Variants in DIS3 observed in about 807,000 individuals in gnomAD.
The protein encoded by DIS3 is DIS3 exosome endoribonuclease and 3'-5' exoribonuclease, also known as exosome complex exonuclease RRP44.
A neutral mutation model predicts 113.0 loss-of-function variants in DIS3; 103 were observed. The ratio of observed to expected loss-of-function variants is 0.91; its 90% CI spans 0.78 to 1.07. DIS3 has a LOEUF of 1.07. DIS3 is among the 50% of genes least tolerant of loss of function. The pLI is 0.00. For synonymous variants in DIS3, 402 were observed against 394.3 expected (o/e 1.02, Z -0.23); for missense variants, 1,121 against 1,167.1 (o/e 0.96, Z 0.58).
At chr13:72,779,029 G>C (rs941185869) in intron 2 of DIS3, among the ~76,000 whole-genome samples, 1 of 151,854 alleles carries the variant, frequency 6.6e-6, no homozygotes, top group East Asian at 1.9e-4. Context: ...ATAGCTTCCA[G>C]TACTTAATGG....
intron 20 of DIS3, among the ~76,000 whole-genome samples, 192 bp downstream of exon 20, chr13:72,760,337 G>C (rs1475349316): frequency 6.6e-6 from 1 of 152,184 alleles, no homozygotes; most frequent in Non-Finnish European, 1.5e-5. Context: ...GACCTGAACA[G>C]AATCTCAGAT....
intron 16 of DIS3, among the ~76,000 whole-genome samples, chr13:72,762,422 A>G (rs2033649007): frequency 6.6e-6 from 1 of 152,210 alleles, no homozygotes; most frequent in Non-Finnish European, 1.5e-5. Context: ...ACAATGAAGG[A>G]AAAAATCCCT....
At chr13:72,777,584 C>G in intron 3 of DIS3, 91 bp from the exon 4 acceptor site, 1 of 1,044,612 alleles carries the variant, frequency 9.6e-7, no homozygotes, top group Non-Finnish European at 1.5e-6. Flanking sequence ...GTATACACGT[C>G]ATTCTTTCAT....
chr13:72,774,698 A>G (rs1400953705), intron 6 of DIS3, among the ~76,000 whole-genome samples: 1 of 152,180 alleles, frequency 6.6e-6, no homozygotes. Flanking sequence ...TTGTAATTAT[A>G]AAATACAGAA....
At chr13:72,781,433 C>G in intron 1 of DIS3, 172 bp downstream of exon 1, 2 of 1,504,196 alleles carry the variant, frequency 1.3e-6, no homozygotes, top group Non-Finnish European at 8.9e-7. Context: ...TTTTTTAAAG[C>G]ACAAGGAAAA....
rs779209129 is a variant in DIS3 at position 72,771,114 on chromosome 13, G to A, written c.1637C>T (p.Ser546Phe). 3 of 1,613,706 alleles carry A rather than the reference G, an allele frequency of 1.9e-6. No individual in the cohort carries two copies. The highest frequency in any genetic ancestry group is 1.1e-5 in the South Asian group (1 of 91,046). ...RIDMVPELLS[S>F]NLCSLKCDVD... Reference sequence around the variant, plus strand: ...GTCACATTTTAAGGAACACAAGTTAGAGCTAAGCAACTCTGGAACCATGTC... The same window carrying A: ...GTCACATTTTAAGGAACACAAGTTAAAGCTAAGCAACTCTGGAACCATGTC... Residue 546 changes from serine to phenylalanine, a missense_variant, in exon 12 of 21, where the codon TCT (serine) becomes TTT (phenylalanine). By Grantham distance (155) the Ser-to-Phe change is radical. Transcript: ENST00000377767.
Position 72,755,686 on chromosome 13 carries a change from A to G in DIS3, c.*4109T>C, listed in dbSNP as rs1159813505. 1 of 394,468 alleles carries G rather than the reference A, an allele frequency of 2.5e-6. No homozygotes were observed. The highest frequency in any genetic ancestry group is 2.1e-5 in the African/African-American group (1 of 48,656). The allele number at this position is 394,468 out of a possible 1,614,324, so 24.4% of individuals were successfully genotyped here. On this transcript the variant is annotated 3_prime_UTR_variant, in exon 21 of 21. Transcript: ENST00000377767. ...TATAAAACTAACTTTTCAAAGATACAAAAGAAATTAAACAGGTTTCCTGAA... is the reference window on the plus strand; with the variant it reads ...TATAAAACTAACTTTTCAAAGATACGAAAGAAATTAAACAGGTTTCCTGAA...
chr13:72,755,290 T>C lies in DIS3; in HGVS notation c.*4505A>G. The C allele has an allele frequency of 1.5e-6, 2 of 1,306,606 alleles. No individual in the cohort carries two copies. The highest frequency in any genetic ancestry group is 2.5e-5 in the South Asian group (2 of 80,760). 80.9% of individuals were successfully genotyped at this position (1,306,606 alleles called of 1,614,324 possible). ...ATCGTTGTGCACAGGATCAACATGA[T>C]GGTGACTGGGAAAAAATTACTTCAA... On this transcript the variant is annotated 3_prime_UTR_variant, in exon 21 of 21. Transcript: ENST00000377767.
At chr13:72,775,778 T>C in intron 5 of DIS3, 147 bp downstream of exon 5, 1 of 707,652 alleles carries the variant, frequency 1.4e-6, no homozygotes, top group Non-Finnish European at 2.1e-6. Flanking sequence ...TTGTGAGCAC[T>C]GCAAAAAAAA....
chr13:72,754,700 G>A lies in DIS3; in HGVS notation c.*5095C>T, dbSNP rs1162159180. On this transcript the variant is annotated 3_prime_UTR_variant, in exon 21 of 21. Coordinates refer to ENST00000377767, the MANE Select transcript of DIS3 (RefSeq NM_014953.5). ...CTAAACATAAGTAGAGATAAATGAA[G>A]GATTTTTTTAAATTTTATTATTTTA... The A allele has an allele frequency of 6.6e-6, 1 of 152,568 alleles. No individual in the cohort carries two copies. The highest frequency in any genetic ancestry group is 1.9e-4 in the East Asian group (1 of 5,216). 9.5% of individuals were successfully genotyped at this position (152,568 alleles called of 1,614,324 possible). A position where few individuals can be genotyped will look rare whatever the true frequency, so the allele number is the denominator to read the frequency against.
chr13:72,761,558 A>C (rs1404571798), intron 18 of DIS3, 37 bp from the exon 19 acceptor site: 1 of 1,530,506 alleles, frequency 6.5e-7, no homozygotes, highest in Admixed American at 2.2e-5. Context: ...AATTGTCTTA[A>C]AAATTTTTAA....
chr13:72,779,143 C>CA (rs1168970108), intron 2 of DIS3, among the ~76,000 whole-genome samples: 3 of 143,294 alleles, frequency 2.1e-5, no homozygotes, highest in Non-Finnish European at 4.5e-5. Flanking sequence ...TTTTTTGAAA[C>CA]AGAGTCTTGC....
chr13:72,779,141 AAC>A (rs2138237019), intron 2 of DIS3, among the ~76,000 whole-genome samples: 1 of 150,498 alleles, frequency 6.6e-6, no homozygotes, highest in South Asian at 2.1e-4. Flanking sequence ...TTTTTTTTGA[AAC>A]AGAGTCTTGC....
intron 2 of DIS3, among the ~76,000 whole-genome samples, chr13:72,779,020 T>C (rs939532442): frequency 6.6e-6 from 1 of 152,290 alleles, no homozygotes; most frequent in Non-Finnish European, 1.5e-5. Flanking sequence ...TTCACTACAA[T>C]AGCTTCCAGT....
intron 8 of DIS3, 100 bp from the exon 9 acceptor site, chr13:72,772,939 A>C: frequency 7.7e-7 from 1 of 1,294,036 alleles, no homozygotes; most frequent in Non-Finnish European, 1.0e-6. Flanking sequence ...CAGTATTCCT[A>C]AATATTCCCA....
chr13:72,770,261 A>G (rs1329288149), intron 13 of DIS3, among the ~76,000 whole-genome samples: 1 of 152,144 alleles, frequency 6.6e-6, no homozygotes, highest in Admixed American at 6.6e-5. Flanking sequence ...AATCACATCA[A>G]AAATTATCTG....
At position 72,755,615 on chromosome 13, in the gene DIS3, G is replaced by A; in HGVS notation, c.*4180C>T. 1 of 355,528 alleles carries A rather than the reference G, an allele frequency of 2.8e-6. No homozygotes were observed. The highest frequency in any genetic ancestry group is 5.0e-6 in the Non-Finnish European group (1 of 200,388). 22.0% of individuals were successfully genotyped at this position (355,528 alleles called of 1,614,324 possible). On this transcript the variant is annotated 3_prime_UTR_variant, in exon 21 of 21. Transcript: ENST00000377767. The stretch of plus-strand genomic sequence containing the variant: ...AGGCACTATATATTTTTACATAAAA[G>A]CTTGAACATACAGATGAATTATAAC...
Position 72,763,447 on chromosome 13 carries a change from T to A in DIS3, c.2127+4A>T. The A allele has an allele frequency of 6.2e-7, 1 of 1,611,078 alleles. No individual in the cohort carries two copies. Among genetic ancestry groups the A allele is most frequent in the Non-Finnish European group, 8.5e-7 (1 of 1,179,122 alleles). On this transcript the variant is annotated splice_donor_region_variant and intron_variant, in intron 16 of 20. Coordinates refer to ENST00000377767, the MANE Select transcript of DIS3 (RefSeq NM_014953.5). ...AGATGATTTTTCAAACTGTAGGACC[T>A]TACCCTTGACCTGGCTGCCTTAACA... is the stretch of plus-strand genomic sequence containing the variant.
chr13:72,756,060 A>AAACTT lies in DIS3; in HGVS notation c.*3730_*3734dup, dbSNP rs1290950061. The AAACTT allele has an allele frequency of 2.5e-6, 1 of 396,812 alleles. No individual in the cohort carries two copies. The highest frequency in any genetic ancestry group is 4.4e-5 in the Admixed American group (1 of 22,602). The allele number at this position is 396,812 out of a possible 1,614,324, so 24.6% of individuals were successfully genotyped here. On this transcript the variant is annotated 3_prime_UTR_variant, in exon 21 of 21. Transcript: ENST00000377767. ...TGTTATATACAACTATTTTTTTAAA[A>AAACTT]AACTTATATCCATGTTGGGAGTAGA...
Sources: allele counts gnomAD v4.1 joint callset (sites outside exome capture counted in the v4.1 genomes callset), GRCh38; gene constraint gnomAD v4.1.1; transcripts MANE v1.5; gene names NCBI Gene and HGNC (gene_info 2026-07-23, HGNC 2026-07-21).